The following STAT3 variants were observed in gnomAD, a reference collection of about 807,000 sequenced individuals.
STAT3 encodes the protein signal transducer and activator of transcription 3.
STAT3 carries 7 observed loss-of-function variants against 114.3 expected under a neutral mutation model. The ratio of observed to expected loss-of-function variants is 0.06; its 90% CI spans 0.03 to 0.11. The LOEUF (loss-of-function observed/expected upper bound fraction) is 0.11. Among genes scored for constraint, STAT3 ranks in the 10% least tolerant of loss-of-function variants. STAT3 has a pLI of 1.00. For synonymous variants in STAT3, 331 were observed against 354.5 expected, an observed-to-expected ratio of 0.93 and a Z score of 0.74; for missense variants, 364 against 960.9, an observed-to-expected ratio of 0.38 and a Z score of 8.21.
chr17:42,321,114 C>CTTTTT (rs971943600), intron 21 of STAT3, among the ~76,000 whole-genome samples: 6 of 110,140 alleles, frequency 5.4e-5, no homozygotes, highest in Non-Finnish European at 1.1e-4. Flanking sequence ...ATTTCTCTCT[C>CTTTTT]TTTTTTTTTT....
chr17:42,365,550 A>G (rs1421285250), intron 1 of STAT3, among the ~76,000 whole-genome samples: 8 of 152,156 alleles, frequency 5.3e-5, no homozygotes, highest in African/African-American at 1.9e-4. Context: ...TTACTAACAT[A>G]GTGATTGAAT....
intron 10 of STAT3, among the ~76,000 whole-genome samples, chr17:42,332,560 A>G (rs1490492716): frequency 7.1e-6 from 1 of 141,776 alleles, no homozygotes; most frequent in Non-Finnish European, 1.5e-5. Flanking sequence ...AAAAAAAAAA[A>G]GGCCGAGCGT....
At chr17:42,327,274 G>A (rs753321562) in intron 14 of STAT3, among the ~76,000 whole-genome samples, 1 of 150,974 alleles carries the variant, frequency 6.6e-6, no homozygotes, top group Non-Finnish European at 1.5e-5. Flanking sequence ...TTTTTGTCTT[G>A]TTTTGTTTTG....
In STAT3 at chr17:42,388,259, C is replaced by G; in HGVS notation, c.-24+20G>C. 8.1e-7 allele frequency: 1 copy of G among 1,231,898 alleles called. No individual in the cohort carries two copies. Among genetic ancestry groups the G allele is most frequent in the Non-Finnish European group, 1.0e-6 (1 of 988,094 alleles). The allele number at this position is 1,231,898 out of a possible 1,614,324, so 76.3% of individuals were successfully genotyped here. The stretch of plus-strand genomic sequence containing the variant: ...GGGTCCCCAGGCCTCCCCAACGGCC[C>G]CACCCTGCACCCCCTTCACCTGTTT... On this transcript the variant is annotated intron_variant, in intron 1 of 23. Transcript: ENST00000264657.
In STAT3 at chr17:42,357,222, C is replaced by T. The variant is rs529149385; in HGVS notation, c.-23-8683G>A. On this transcript the variant is annotated intron_variant, in intron 1 of 23. Coordinates refer to ENST00000264657, the MANE Select transcript of STAT3 (RefSeq NM_139276.3). Reference sequence around the variant, plus strand: ...GGAAACCCCAATTTATTTGTTCTCACCATACCACGTTCTAAAAATAATCTG... The same window carrying T: ...GGAAACCCCAATTTATTTGTTCTCATCATACCACGTTCTAAAAATAATCTG... Among the ~76,000 whole-genome samples, 6 of 152,262 alleles carry T rather than the reference C, an allele frequency of 3.9e-5. No individual in the cohort carries two copies. In the South Asian group the frequency reaches 1.2e-3, roughly 32 times the overall value.
intron 1 of STAT3, among the ~76,000 whole-genome samples, chr17:42,364,287 A>G (rs2083665203): frequency 6.6e-6 from 1 of 152,186 alleles, no homozygotes; most frequent in Admixed American, 6.5e-5. Flanking sequence ...TATTTTTCTA[A>G]TAAACTGTGA....
rs753942762 is a variant in STAT3 at position 42,333,794 on chromosome 17, C to A, written c.957-29G>T. On this transcript the variant is annotated intron_variant, in intron 9 of 23. Transcript: ENST00000264657. This position sits in a 1 kb window ranked among gnomAD's most constrained non-coding sequence, Gnocchi z 5.2. ...AGGAAAGAGAAGATGGGCTCACGCG[C>A]CACGGCCATGACCAGAAGTCAGCCC... 2.5e-6 allele frequency: 4 copies of A among 1,614,080 alleles called. No homozygotes were observed. In the African/African-American group the frequency reaches 5.3e-5, roughly 22 times the overall value.
At chr17:42,332,047 C>T (rs1022409300) in intron 10 of STAT3, among the ~76,000 whole-genome samples, 2 of 151,714 alleles carry the variant, frequency 1.3e-5, no homozygotes, top group African/African-American at 2.4e-5. Context: ...CCTGCCTCAG[C>T]CTCTCAAGTA....
At chr17:42,316,708 C>T (rs1395941160) in intron 23 of STAT3, 81 bp downstream of exon 23, 2 of 1,593,326 alleles carry the variant, frequency 1.3e-6, no homozygotes, top group Non-Finnish European at 1.7e-6. Context: ...GTGACCAGCT[C>T]TCGGTGTGTA....
chr17:42,341,008 C>A (rs975701115), intron 4 of STAT3, among the ~76,000 whole-genome samples: 1 of 152,074 alleles, frequency 6.6e-6, no homozygotes, highest in African/African-American at 2.4e-5. Context: ...GTCTCTCTAC[C>A]CCAAGATCTA....
intron 1 of STAT3, 199 bp downstream of exon 1, chr17:42,388,080 G>A (rs1038669315): frequency 4.9e-5 from 30 of 607,668 alleles, no homozygotes; most frequent in Middle Eastern, 5.0e-4. Flanking sequence ...CTTCCCTCCA[G>A]CGCCCCGAGT....
intron 1 of STAT3, among the ~76,000 whole-genome samples, chr17:42,351,497 G>C (rs556283607): frequency 1.3e-5 from 2 of 152,166 alleles, no homozygotes; most frequent in South Asian, 2.1e-4. Flanking sequence ...AATGTGCCAA[G>C]AGTATAGGCT....
Position 42,324,115 on chromosome 17 carries a change from C to A in STAT3, c.1601-490G>T, listed in dbSNP as rs751340416. ...GTGGGCGGATCACGAGGTGAAGAGA[C>A]GGAGACTATCCTGGCCAACATGGTA... On this transcript the variant is annotated intron_variant, in intron 17 of 23. Coordinates refer to ENST00000264657, the MANE Select transcript of STAT3 (RefSeq NM_139276.3). This position sits in a 1 kb window ranked among gnomAD's most constrained non-coding sequence, Gnocchi z 4.5. Among the ~76,000 whole-genome samples the A allele has an allele frequency of 6.6e-6, 1 of 152,004 alleles. No homozygotes were observed. Among genetic ancestry groups the A allele is most frequent in the African/African-American group, 2.4e-5 (1 of 41,386 alleles).
chr17:42,362,164 G>C (rs2083543893), intron 1 of STAT3, among the ~76,000 whole-genome samples: 1 of 152,306 alleles, frequency 6.6e-6, no homozygotes, highest in Non-Finnish European at 1.5e-5. Context: ...AAAACTGTTT[G>C]TTCTATAAAT....
chr17:42,346,464 A>G, intron 3 of STAT3, 105 bp downstream of exon 3: 2 of 1,520,784 alleles, frequency 1.3e-6, no homozygotes, highest in South Asian at 1.1e-5. Flanking sequence ...TACAAGATAG[A>G]TTCTCGTTAC....
intron 23 of STAT3, chr17:42,316,217 T>C: frequency 2.0e-6 from 1 of 488,108 alleles, no homozygotes; most frequent in Non-Finnish European, 3.0e-6. Flanking sequence ...TAAAAAAAGG[T>C]CTCAACTTTT....
chr17:42,344,683 C>A (rs58288833), intron 4 of STAT3, among the ~76,000 whole-genome samples: 24,057 of 149,514 alleles, frequency 0.16, 2,281 homozygotes, highest in East Asian at 0.38. Context: ...GGCACCACTG[C>A]ACTCCAGCCT....
chr17:42,356,321 TGTG>T (rs2083223397), intron 1 of STAT3, among the ~76,000 whole-genome samples: 1 of 151,946 alleles, frequency 6.6e-6, no homozygotes, highest in Non-Finnish European at 1.5e-5. Flanking sequence ...TGTTGCCAGG[TGTG>T]GTGGTCTGTG....
chr17:42,359,798 C>T (rs987751640), intron 1 of STAT3, among the ~76,000 whole-genome samples: 3 of 152,050 alleles, frequency 2.0e-5, no homozygotes, highest in Admixed American at 6.6e-5. Context: ...CGGTGGCTCA[C>T]GCCTGTAATC....
Sources: allele counts gnomAD v4.1 joint callset (sites outside exome capture counted in the v4.1 genomes callset), GRCh38; gene constraint gnomAD v4.1.1; non-coding constraint Gnocchi (gnomAD v3.1); transcripts MANE v1.5; gene names NCBI Gene and HGNC (gene_info 2026-07-23, HGNC 2026-07-21).